The following BICD1 variants were observed in gnomAD, a reference collection of about 807,000 sequenced individuals.
BICD1 encodes the protein BICD cargo adaptor 1, also known as protein bicaudal D homolog 1.
BICD1 carries 35 observed loss-of-function variants against 92.5 expected under a neutral mutation model. The observed-to-expected ratio is 0.38, with a 90% confidence interval of 0.29 to 0.50. The LOEUF is 0.50. BICD1 is among the 20% of genes least tolerant of loss of function. BICD1 has a pLI of 0.93. For missense variants in BICD1, 950 were observed against 1,189.8 expected (o/e 0.80, Z 2.97); for synonymous variants, 429 against 465.1 (o/e 0.92, Z 1.00).
At chr12:32,216,609 T>C in intron 2 of BICD1, 150 bp downstream of exon 2, 1 of 738,982 alleles carries the variant, frequency 1.4e-6, no homozygotes, top group Non-Finnish European at 2.1e-6. Flanking sequence ...TTTTCTTTTT[T>C]AGTGAAATGA....
At chr12:32,166,012 G>A (rs1054969076) in intron 1 of BICD1, among the ~76,000 whole-genome samples, 1 of 152,110 alleles carries the variant, frequency 6.6e-6, no homozygotes, top group Admixed American at 6.5e-5. Flanking sequence ...ATACTATGAA[G>A]CAGAGATTGT....
At chr12:32,300,631 ATTTTT>A (rs34219566) in intron 3 of BICD1, among the ~76,000 whole-genome samples, 2 of 80,596 alleles carry the variant, frequency 2.5e-5, no homozygotes, top group Non-Finnish European at 5.1e-5. Context: ...ACTTTACAGT[ATTTTT>A]TTTTTTTTTT....
chr12:32,141,994 T>C (rs181488235), intron 1 of BICD1, among the ~76,000 whole-genome samples: 1 of 152,326 alleles, frequency 6.6e-6, no homozygotes, highest in Admixed American at 6.5e-5. Context: ...GTATAAATCT[T>C]ATCAATGTTT....
intron 1 of BICD1, among the ~76,000 whole-genome samples, chr12:32,188,249 C>G (rs952718487): frequency 6.6e-6 from 1 of 152,074 alleles, no homozygotes; most frequent in African/African-American, 2.4e-5. Flanking sequence ...ACTATAAATG[C>G]AATTTTATTT....
chr12:32,237,305 C>A (rs1432393600), intron 2 of BICD1, among the ~76,000 whole-genome samples: 1 of 152,180 alleles, frequency 6.6e-6, no homozygotes, highest in Non-Finnish European at 1.5e-5. Flanking sequence ...AGGAAAGACA[C>A]CATCTTCATA....
chr12:32,379,742 A>G lies in BICD1; in HGVS notation c.*2115A>G, dbSNP rs1174507667. The G allele has an allele frequency of 6.6e-6, 1 of 152,162 alleles. No homozygotes were observed. The highest frequency in any genetic ancestry group is 1.9e-4 in the East Asian group (1 of 5,196). The allele number at this position is 152,162 out of a possible 1,614,324, so 9.4% of individuals were successfully genotyped here. A position where few individuals can be genotyped will look rare whatever the true frequency, so the allele number is the denominator to read the frequency against. ...CTGCTAAGTTGACTTTTAATAAAAA[A>G]CTGTTTGTGCCTGAGGGAAATATAT... On this transcript the variant is annotated 3_prime_UTR_variant, in exon 10 of 10. Transcript: ENST00000652176.
chr12:32,262,583 G>T (rs1298094294), intron 2 of BICD1, among the ~76,000 whole-genome samples: 1 of 152,206 alleles, frequency 6.6e-6, no homozygotes, highest in Non-Finnish European at 1.5e-5. Flanking sequence ...CTTTGCCAAT[G>T]TAATTAAGAT....
At chr12:32,262,040 G>T (rs558343014) in intron 2 of BICD1, among the ~76,000 whole-genome samples, 1 of 152,146 alleles carries the variant, frequency 6.6e-6, no homozygotes, top group African/African-American at 2.4e-5. Context: ...ACTATTAAAC[G>T]TGACCCCATT....
chr12:32,370,337 A>C (rs1809601), intron 9 of BICD1, among the ~76,000 whole-genome samples: 55,371 of 151,274 alleles, frequency 0.37, 10,382 homozygotes, highest in African/African-American at 0.42. Context: ...ACTGCATTAC[A>C]GCCTGGCGAC....
rs1322972666 is a variant in BICD1 at position 32,107,267 on chromosome 12, C to G, written c.-65C>G. On this transcript the variant is annotated 5_prime_UTR_variant, in exon 1 of 10. Transcript: ENST00000652176. ...TCCCTTCCCATTTCCTTCTCCCTTT[C>G]CCCGCCAGCTTCGCATCCATCTCCC... 7.1e-7 allele frequency: 1 copy of G among 1,408,970 alleles called. No individual in the cohort carries two copies. Among genetic ancestry groups the G allele is most frequent in the Non-Finnish European group, 9.7e-7 (1 of 1,028,834 alleles). The allele number at this position is 1,408,970 out of a possible 1,614,324, so 87.3% of individuals were successfully genotyped here. A position where few individuals can be genotyped will look rare whatever the true frequency, so the allele number is the denominator to read the frequency against.
chr12:32,312,973 G>A (rs924319293), intron 4 of BICD1, among the ~76,000 whole-genome samples: 3 of 152,154 alleles, frequency 2.0e-5, no homozygotes, highest in Non-Finnish European at 4.4e-5. Flanking sequence ...AAAATAAGTA[G>A]ATTCTGTCTG....
intron 1 of BICD1, among the ~76,000 whole-genome samples, chr12:32,199,771 A>T (rs1054080611): frequency 6.6e-6 from 1 of 152,144 alleles, no homozygotes. Flanking sequence ...TGCTTAAATC[A>T]CGGAGGTTTG....
chr12:32,260,027 T>C (rs1328461698), intron 2 of BICD1, among the ~76,000 whole-genome samples: 2 of 151,832 alleles, frequency 1.3e-5, no homozygotes, highest in East Asian at 3.9e-4. Flanking sequence ...CGGGTTCAAG[T>C]GATTCTCCTG....
Position 32,253,174 on chromosome 12 carries a change from T to G in BICD1, c.426+36715T>G, listed in dbSNP as rs1946613295. ...TTGGGATTACAGGTGTGAGTCATCGTGCCCAGCCAGCATCTTACTATGTTT... is the reference window on the plus strand; with the variant it reads ...TTGGGATTACAGGTGTGAGTCATCGGGCCCAGCCAGCATCTTACTATGTTT... On this transcript the variant is annotated intron_variant, in intron 2 of 9. Coordinates refer to ENST00000652176, the MANE Select transcript of BICD1 (RefSeq NM_001714.4). 2.6e-5 allele frequency among the ~76,000 whole-genome samples: 4 copies of G among 152,222 alleles called. No homozygotes were observed. The South Asian group carries it at 8.3e-4, about 31-fold the overall frequency.
rs71064996 is a variant in BICD1 at position 32,117,709 on chromosome 12, T to TAC, written c.213+10166_213+10167insCA. Among the ~76,000 whole-genome samples, 343 of 85,150 alleles carry TAC rather than the reference T, an allele frequency of 4.0e-3. 2 individuals carry two copies. The highest frequency in any genetic ancestry group is 4.9e-3 in the Non-Finnish European group (233 of 47,446). The allele number at this position is 85,150 out of a possible 152,430, so 55.9% of individuals were successfully genotyped here. ...ATATATATATATATACACAAATATA[T>TAC]ATACACACACACACACACACACACA... On this transcript the variant is annotated intron_variant, in intron 1 of 9. Transcript: ENST00000652176.
At chr12:32,210,755 C>G (rs1945192276) in intron 1 of BICD1, among the ~76,000 whole-genome samples, 1 of 152,152 alleles carries the variant, frequency 6.6e-6, no homozygotes, top group African/African-American at 2.4e-5. Flanking sequence ...GATTGCAGTA[C>G]CTAAAAAGAA....
intron 4 of BICD1, among the ~76,000 whole-genome samples, chr12:32,315,776 T>C (rs1948482036): frequency 6.6e-6 from 1 of 152,172 alleles, no homozygotes; most frequent in Non-Finnish European, 1.5e-5. Context: ...ACAACTGTTC[T>C]GTTTTTCATT....
At position 32,107,179 on chromosome 12, in the gene BICD1, A is replaced by G. The variant is rs1941501924; in HGVS notation, c.-153A>G. 1.4e-6 allele frequency: 1 copy of G among 722,542 alleles called. No individual in the cohort carries two copies. The highest frequency in any genetic ancestry group is 2.7e-5 in the East Asian group (1 of 36,916). 44.8% of individuals were successfully genotyped at this position (722,542 alleles called of 1,614,324 possible). On this transcript the variant is annotated 5_prime_UTR_variant, in exon 1 of 10. Transcript: ENST00000652176. ...GGGCGGTGTAGCTGCCGCTGCCACC[A>G]GAGCCGGCGGGGCATCGCGCTGCTC... is the stretch of plus-strand genomic sequence containing the variant.
intron 1 of BICD1, among the ~76,000 whole-genome samples, chr12:32,185,785 A>G (rs539751547): frequency 6.6e-6 from 1 of 152,276 alleles, no homozygotes; most frequent in East Asian, 1.9e-4. Flanking sequence ...GCCATAAACA[A>G]ATTCTCATCT....
Sources: gnomAD v4.1 joint callset for allele counts (sites outside exome capture counted in the v4.1 genomes callset) on GRCh38, gnomAD v4.1.1 for gene constraint, MANE v1.5 for transcripts, NCBI Gene and HGNC (gene_info 2026-07-23, HGNC 2026-07-21) for gene names.